C2orf76: variants seen among roughly 807,000 people sequenced by gnomAD.
The protein encoded by C2orf76 is chromosome 2 open reading frame 76.
C2orf76 carries 23 observed loss-of-function variants against 16.9 expected under a neutral mutation model. The ratio of observed to expected loss-of-function variants is 1.36; its 90% confidence interval spans 0.98 to 1.93. The LOEUF is 1.93. C2orf76 is among the 30% of genes most tolerant of loss of function. C2orf76 has a pLI of 0.00. For missense variants in C2orf76, 152 were observed against 152.6 expected, an observed-to-expected ratio of 1.00 and a Z score of 0.02; for synonymous variants, 48 against 52.3, an observed-to-expected ratio of 0.92 and a Z score of 0.35.
chr2:119,356,396 C>CAA lies in C2orf76; in HGVS notation c.-13+10392_-13+10393dup, dbSNP rs34898813. On this transcript the variant is annotated intron_variant, in intron 1 of 5. Transcript: ENST00000334816. The stretch of plus-strand genomic sequence containing the variant: ...TGGGTGACAGAGCGAGACTCTGTCT[C>CAA]AAAAAAAAAAAAAAAAGGAAACTAA... Among the ~76,000 whole-genome samples, 445 of 95,642 alleles carry CAA rather than the reference C, an allele frequency of 4.7e-3. 8 individuals are homozygous for CAA. Among genetic ancestry groups the CAA allele is most frequent in the Non-Finnish European group, 7.0e-3 (344 of 48,922 alleles). 62.7% of individuals were successfully genotyped at this position (95,642 alleles called of 152,430 possible).
At chr2:119,333,169 A>G (rs936537754) in intron 2 of C2orf76, among the ~76,000 whole-genome samples, 2 of 152,258 alleles carry the variant, frequency 1.3e-5, no homozygotes, top group Non-Finnish European at 2.9e-5. Context: ...ATAAGGCAAT[A>G]ATACATTATG....
chr2:119,338,545 G>A (rs913251601), intron 2 of C2orf76, among the ~76,000 whole-genome samples: 10 of 152,210 alleles, frequency 6.6e-5, no homozygotes, highest in African/African-American at 2.4e-4. Context: ...GAGAGAGAAA[G>A]GGGAAGAGGA....
downstream of C2orf76, among the ~76,000 whole-genome samples, chr2:119,299,076 C>A (rs1678577536): frequency 6.6e-6 from 1 of 151,800 alleles, no homozygotes; most frequent in African/African-American, 2.4e-5. Flanking sequence ...TTACCACACC[C>A]AGCTAATTTT....
At chr2:119,326,634 G>A (rs1346161893) in intron 2 of C2orf76, among the ~76,000 whole-genome samples, 1 of 151,852 alleles carries the variant, frequency 6.6e-6, no homozygotes, top group East Asian at 1.9e-4. Flanking sequence ...GATTAGAACT[G>A]GAATCAATAC....
At chr2:119,332,760 T>A (rs1679717526) in intron 2 of C2orf76, among the ~76,000 whole-genome samples, 1 of 152,188 alleles carries the variant, frequency 6.6e-6, no homozygotes, top group African/African-American at 2.4e-5. Flanking sequence ...AGTCAGGGTC[T>A]TTCTCTGTTG....
upstream of C2orf76, chr2:119,367,060 G>A: frequency 2.5e-6 from 4 of 1,614,102 alleles, no homozygotes; most frequent in South Asian, 3.3e-5. Flanking sequence ...GGATGTCTCA[G>A]GTACAGCGCG....
At chr2:119,334,370 T>A (rs1279442041) in intron 2 of C2orf76, among the ~76,000 whole-genome samples, 1 of 104,470 alleles carries the variant, frequency 9.6e-6, no homozygotes, top group Non-Finnish European at 1.8e-5. Context: ...AACCTCAATG[T>A]ATGCAAAGCA....
chr2:119,320,326 C>T (rs1311088475), intron 3 of C2orf76, among the ~76,000 whole-genome samples: 1 of 152,104 alleles, frequency 6.6e-6, no homozygotes, highest in Admixed American at 6.5e-5. Flanking sequence ...GCCTTGAAAG[C>T]CACAATTGAG....
chr2:119,308,590 G>A (rs370432218), intron 5 of C2orf76, among the ~76,000 whole-genome samples: 1 of 152,182 alleles, frequency 6.6e-6, no homozygotes, highest in Non-Finnish European at 1.5e-5. Flanking sequence ...GCAGTGAGCT[G>A]AGATTGTGCC....
chr2:119,362,976 G>A (rs1680791743), intron 1 of C2orf76, among the ~76,000 whole-genome samples: 1 of 152,014 alleles, frequency 6.6e-6, no homozygotes, highest in Non-Finnish European at 1.5e-5. Flanking sequence ...ACCTCCAGCT[G>A]CCAGGCCTCC....
rs200555283 is a variant in C2orf76 at position 119,311,710 on chromosome 2, A to G, written c.223-7T>C. 3,506 of 1,602,296 alleles carry G rather than the reference A, an allele frequency of 2.2e-3. 71 individuals carry two copies. In the African/African-American group the frequency reaches 0.043, roughly 20 times the overall value. On this transcript the variant is annotated splice_region_variant and splice_polypyrimidine_tract_variant and intron_variant, in intron 4 of 5. Coordinates refer to ENST00000334816, the MANE Select transcript of C2orf76 (RefSeq NM_001322331.2). The stretch of plus-strand genomic sequence containing the variant: ...TCAACACAAGTTCATTTGTCTAAAA[A>G]AAAAAAAGAAAATCTGCATTTTATC...
chr2:119,292,458 C>T, the C2orf76 span, among the ~76,000 whole-genome samples: 17 of 152,156 alleles, frequency 1.1e-4, no homozygotes, highest in Admixed American at 1.1e-3. Context: ...AACTGTCAGC[C>T]GCATGAAAAT....
chr2:119,347,619 T>A (rs1189122550), intron 1 of C2orf76, among the ~76,000 whole-genome samples: 2 of 152,074 alleles, frequency 1.3e-5, no homozygotes, highest in African/African-American at 4.8e-5. Flanking sequence ...ACGCCTGTAA[T>A]CCCAGCACTT....
chr2:119,336,740 A>C (rs2104596730), intron 2 of C2orf76, among the ~76,000 whole-genome samples: 1 of 152,296 alleles, frequency 6.6e-6, no homozygotes, highest in Non-Finnish European at 1.5e-5. Flanking sequence ...TAACTCCAAG[A>C]GATCTTTCTT....
At chr2:119,335,146 A>G (rs923928967) in intron 2 of C2orf76, among the ~76,000 whole-genome samples, 2 of 152,210 alleles carry the variant, frequency 1.3e-5, no homozygotes, top group African/African-American at 4.8e-5. Flanking sequence ...ATTACATATA[A>G]AAATATTTAT....
intron 1 of C2orf76, among the ~76,000 whole-genome samples, chr2:119,362,011 C>T (rs1172263200): frequency 1.3e-5 from 2 of 152,102 alleles, no homozygotes; most frequent in Non-Finnish European, 2.9e-5. Context: ...GCGTTTTGAA[C>T]AATAGGAGTC....
the C2orf76 span, among the ~76,000 whole-genome samples, chr2:119,292,728 G>A: frequency 5.3e-5 from 8 of 152,214 alleles, no homozygotes; most frequent in Non-Finnish European, 7.4e-5. Flanking sequence ...GTAAAGTTTC[G>A]CTTTAACATT....
chr2:119,367,066 G>T (rs1054393314), upstream of C2orf76: 1 of 1,614,076 alleles, frequency 6.2e-7, no homozygotes, highest in Admixed American at 1.7e-5. Context: ...CTCAGGTACA[G>T]CGCGTGCACA....
intron 2 of C2orf76, among the ~76,000 whole-genome samples, chr2:119,331,362 A>G (rs1206108553): frequency 6.6e-6 from 1 of 152,208 alleles, no homozygotes; most frequent in East Asian, 1.9e-4. Flanking sequence ...GGTGGAATAA[A>G]AACTATTCCC....
Sources: gnomAD v4.1 joint callset for allele counts (sites outside exome capture counted in the v4.1 genomes callset) on GRCh38, gnomAD v4.1.1 for gene constraint, MANE v1.5 for transcripts, NCBI Gene and HGNC (gene_info 2026-07-23, HGNC 2026-07-21) for gene names.